AKAP12: variants seen among roughly 807,000 people sequenced by gnomAD.
The protein encoded by AKAP12 is A-kinase anchoring protein 12, also known as A-kinase anchor protein 12.
In AKAP12, 32 loss-of-function variants were observed where a neutral mutation model predicts 79.9. The observed-to-expected ratio is 0.40, with a 90% confidence interval of 0.30 to 0.54. The LOEUF is 0.54. AKAP12 is among the 20% of genes least tolerant of loss of function. The probability of loss-of-function intolerance (pLI) is 0.48; values close to 1 mark genes in which losing one functional copy is unlikely to be tolerated. For missense variants in AKAP12, 2,074 were observed against 2,177.0 expected, an observed-to-expected ratio of 0.95 and a Z score of 0.94; for synonymous variants, 808 against 857.0, an observed-to-expected ratio of 0.94 and a Z score of 1.00.
chr6:151,334,336 G>C (rs566766545), intron 3 of AKAP12, among the ~76,000 whole-genome samples: 3 of 152,286 alleles, frequency 2.0e-5, no homozygotes, highest in Admixed American at 6.5e-5. Flanking sequence ...GCTCACGCCT[G>C]TAATCCCAAC....
chr6:151,357,937 T>C lies in AKAP12; in HGVS notation c.*2223T>C, dbSNP rs1308060669. ...TTTAAATTCCACCCGCGTTTGTCTT[T>C]TCCTACCACCTGTGGCCAGGTGCTC... On this transcript the variant is annotated 3_prime_UTR_variant, in exon 5 of 5. Coordinates refer to ENST00000402676, the MANE Select transcript of AKAP12 (RefSeq NM_005100.4). 2.0e-5 allele frequency: 3 copies of C among 152,148 alleles called. No individual in the cohort carries two copies. Among genetic ancestry groups the C allele is most frequent in the Admixed American group, 2.0e-4 (3 of 15,258 alleles). The allele number at this position is 152,148 out of a possible 1,614,324, so 9.4% of individuals were successfully genotyped here. A position where few individuals can be genotyped will look rare whatever the true frequency, so the allele number is the denominator to read the frequency against.
rs1777482818 is a variant in AKAP12, at chr6:151,324,804, G to A, written c.319+18901G>A. On this transcript the variant is annotated intron_variant, in intron 3 of 4. Coordinates refer to ENST00000402676, the MANE Select transcript of AKAP12 (RefSeq NM_005100.4). Reference sequence around the variant, plus strand: ...ATTGTGAGACCACACCAACTCATTCGTCACTCGTGTCTTTACAAAGAACAA... The same window carrying A: ...ATTGTGAGACCACACCAACTCATTCATCACTCGTGTCTTTACAAAGAACAA... The A allele has an allele frequency of 4.1e-6, 4 of 985,246 alleles. No individual in the cohort carries two copies. In the South Asian group the frequency reaches 1.4e-4, roughly 35 times the overall value. The allele number at this position is 985,246 out of a possible 1,614,324, so 61.0% of individuals were successfully genotyped here. A position where few individuals can be genotyped will look rare whatever the true frequency, so the allele number is the denominator to read the frequency against.
At chr6:151,241,975 G>A (rs998017132) in intron 2 of AKAP12, among the ~76,000 whole-genome samples, 1 of 151,974 alleles carries the variant, frequency 6.6e-6, no homozygotes, top group Non-Finnish European at 1.5e-5. Context: ...AAAATCCATG[G>A]TCCCTAGATA....
At chr6:151,340,396 A>T (rs1276915046) in intron 3 of AKAP12, among the ~76,000 whole-genome samples, 1 of 152,074 alleles carries the variant, frequency 6.6e-6, no homozygotes, top group Non-Finnish European at 1.5e-5. Flanking sequence ...GTGGACATAA[A>T]TTTTCAACTC....
chr6:151,249,633 C>T (rs548552956), intron 2 of AKAP12, among the ~76,000 whole-genome samples: 57 of 152,184 alleles, frequency 3.7e-4, no homozygotes, highest in Non-Finnish European at 7.5e-4. Flanking sequence ...AAGGAGAAAT[C>T]TTAAATTCAT....
intron 3 of AKAP12, chr6:151,325,813 G>T (rs765172741): frequency 6.2e-7 from 1 of 1,613,874 alleles, no homozygotes; most frequent in East Asian, 2.2e-5. Context: ...GCCGGGGAGG[G>T]CAGGGACCCG....
In AKAP12 at chr6:151,305,186, T is replaced by A. The variant is rs867798395; in HGVS notation, c.163-561T>A. On this transcript the variant is annotated intron_variant, in intron 2 of 4. Transcript: ENST00000402676. ...TCAGGGCTGTTTTTTTTTTTTTTTTTAAAACCTACTTGATTCATTCTCAAG... is the reference window on the plus strand; with the variant it reads ...TCAGGGCTGTTTTTTTTTTTTTTTTAAAAACCTACTTGATTCATTCTCAAG... Among the ~76,000 whole-genome samples, 902 of 145,854 alleles carry A rather than the reference T, an allele frequency of 6.2e-3. 7 individuals carry two copies. Among genetic ancestry groups the A allele is most frequent in the African/African-American group, 0.023 (845 of 36,892 alleles).
At chr6:151,279,223 G>A (rs1379967691) in intron 2 of AKAP12, among the ~76,000 whole-genome samples, 1 of 152,108 alleles carries the variant, frequency 6.6e-6, no homozygotes, top group Non-Finnish European at 1.5e-5. Flanking sequence ...TTAAAAGATT[G>A]TATTCCCTGG....
chr6:151,284,416 A>G (rs1475897367), intron 2 of AKAP12, among the ~76,000 whole-genome samples: 7 of 152,176 alleles, frequency 4.6e-5, no homozygotes, highest in African/African-American at 1.4e-4. Flanking sequence ...GCTTGAGCCC[A>G]GGAGTTTGAG....
At position 151,240,397 on chromosome 6, in the gene AKAP12, G is replaced by A. The variant is rs1796946718; in HGVS notation, c.-166G>A. The stretch of plus-strand genomic sequence containing the variant: ...TTTTCTTTTAAGGAGTTTGCCGCGA[G>A]CGCGTCTCCTTCATTCGCAGGCTGG... On this transcript the variant is annotated 5_prime_UTR_variant, in exon 2 of 5. Coordinates refer to ENST00000402676, the MANE Select transcript of AKAP12 (RefSeq NM_005100.4). 2 of 610,794 alleles carry A rather than the reference G, an allele frequency of 3.3e-6. No homozygotes were observed. Among genetic ancestry groups the A allele is most frequent in the Non-Finnish European group, 4.8e-6 (2 of 412,644 alleles). The allele number at this position is 610,794 out of a possible 1,614,324, so 37.8% of individuals were successfully genotyped here. A position where few individuals can be genotyped will look rare whatever the true frequency, so the allele number is the denominator to read the frequency against.
At chr6:151,301,088 C>T (rs971756139) in intron 2 of AKAP12, among the ~76,000 whole-genome samples, 2 of 152,176 alleles carry the variant, frequency 1.3e-5, no homozygotes, top group African/African-American at 4.8e-5. Flanking sequence ...TATTACTTTC[C>T]TCCCTGAAAT....
intron 2 of AKAP12, among the ~76,000 whole-genome samples, chr6:151,259,511 T>TACACACACAC (rs373506742): frequency 1.5e-4 from 15 of 101,102 alleles, no homozygotes; most frequent in African/African-American, 4.2e-4. Context: ...TATATATATA[T>TACACACACAC]ACACACACAC....
intron 2 of AKAP12, among the ~76,000 whole-genome samples, chr6:151,300,789 C>A (rs752768097): frequency 5.9e-5 from 9 of 151,798 alleles, no homozygotes; most frequent in Non-Finnish European, 1.2e-4. Flanking sequence ...CTCTGGCTGA[C>A]CCACTCAAAG....
chr6:151,240,932 G>C (rs1181881786), intron 2 of AKAP12, among the ~76,000 whole-genome samples: 1 of 152,302 alleles, frequency 6.6e-6, no homozygotes, highest in East Asian at 1.9e-4. Flanking sequence ...CGCGGCGGGG[G>C]GCTTGCATCT....
At chr6:151,304,520 G>C (rs965364582) in intron 2 of AKAP12, among the ~76,000 whole-genome samples, 1 of 74,526 alleles carries the variant, frequency 1.3e-5, no homozygotes, top group African/African-American at 4.3e-5. Flanking sequence ...AAAAAAAAAA[G>C]GATTATATGA....
Position 151,351,711 on chromosome 6 carries a change from C to G in AKAP12, c.3320C>G (p.Thr1107Arg). ...DAQEAKTEPF[T>R]QGKVVGQTTP... ...CAGGAGGCAAAAACTGAGCCTTTTA[C>G]ACAAGGGAAGGTGGTGGGGCAGACC... is the stretch of plus-strand genomic sequence containing the variant. The change falls in exon 4 of 5, where the codon ACA becomes AGA. Residue 1107 changes from threonine (T) to arginine (R), a missense_variant. Thr to Arg is a moderately conservative substitution (Grantham distance 71). Coordinates refer to ENST00000402676, the MANE Select transcript of AKAP12 (RefSeq NM_005100.4). The surrounding 1 kb of genome is among the most constrained non-coding windows in gnomAD (Gnocchi z 4.4). 6.2e-7 allele frequency: 1 copy of G among 1,614,144 alleles called. No homozygotes were observed. The highest frequency in any genetic ancestry group is 1.1e-5 in the South Asian group (1 of 91,070).
intron 2 of AKAP12, among the ~76,000 whole-genome samples, chr6:151,254,965 G>A (rs772755033): frequency 1.3e-5 from 2 of 152,114 alleles, no homozygotes; most frequent in Admixed American, 1.3e-4. Context: ...AGCAGTCCCT[G>A]TGATCTTCAG....
chr6:151,263,464 T>C (rs1026438574), intron 2 of AKAP12, among the ~76,000 whole-genome samples: 6 of 152,242 alleles, frequency 3.9e-5, no homozygotes, highest in Non-Finnish European at 8.8e-5. Context: ...TCTAACTCTG[T>C]ATCCATGCAA....
intron 3 of AKAP12, among the ~76,000 whole-genome samples, chr6:151,312,168 T>C (rs924691678): frequency 2.6e-4 from 39 of 152,168 alleles, no homozygotes; most frequent in Admixed American, 2.4e-3. Context: ...ACCCACACTT[T>C]GGCTAAAATA....
Sources: gnomAD v4.1 joint callset for allele counts (sites outside exome capture counted in the v4.1 genomes callset) on GRCh38, gnomAD v4.1.1 for gene constraint, Gnocchi (gnomAD v3.1) non-coding constraint, MANE v1.5 for transcripts, NCBI Gene and HGNC (gene_info 2026-07-23, HGNC 2026-07-21) for gene names.